Variants in SPAST observed in about 807,000 individuals in gnomAD.
The protein encoded by SPAST is spastic paraplegia 4 (autosomal dominant; spastin).
Under a neutral mutation model 76.6 loss-of-function variants are expected in SPAST, and 30 were observed. The ratio of observed to expected loss-of-function variants is 0.39; its 90% CI spans 0.29 to 0.53. SPAST has a LOEUF of 0.53. Among genes scored for constraint, SPAST ranks in the 20% least tolerant of loss-of-function variants. SPAST has a pLI of 0.68. For missense variants in SPAST, 717 were observed against 770.5 expected (o/e 0.93, Z 0.82); for synonymous variants, 305 against 281.0 (o/e 1.09, Z -0.86).
In SPAST at chr2:32,154,422, A is replaced by AAAC; in HGVS notation, c.1778_1780dup (p.Lys593_Arg594insGln). 1 of 1,613,504 alleles carries AAAC rather than the reference A, an allele frequency of 6.2e-7. No homozygotes were observed. The highest frequency in any genetic ancestry group is 8.5e-7 in the Non-Finnish European group (1 of 1,179,438). ...CTTCACTGAATCCTTGAAAAAAATA[A>AAAC]AACGCAGCGTCAGCCCTCAAACTTT... On this transcript the variant is annotated inframe_insertion, in exon 17 of 17. Transcript: ENST00000315285.
At chr2:32,093,520 T>TC (rs1452215845) in intron 3 of SPAST, among the ~76,000 whole-genome samples, 2 of 152,102 alleles carry the variant, frequency 1.3e-5, no homozygotes, top group Non-Finnish European at 2.9e-5. Context: ...TCTTGTCCAC[T>TC]CCTAATCTCC....
At chr2:32,103,061 C>T (rs746800822) in intron 4 of SPAST, among the ~76,000 whole-genome samples, 2 of 152,108 alleles carry the variant, frequency 1.3e-5, no homozygotes, top group Non-Finnish European at 1.5e-5. Context: ...CTCTTTGTAC[C>T]TCTGGTAGAA....
chr2:32,098,320 G>T (rs1348960129), intron 3 of SPAST, among the ~76,000 whole-genome samples: 1 of 151,962 alleles, frequency 6.6e-6, no homozygotes, highest in Non-Finnish European at 1.5e-5. Flanking sequence ...AAATTAGCTG[G>T]GCATAGTGGT....
intron 9 of SPAST, among the ~76,000 whole-genome samples, chr2:32,130,855 A>G (rs768429122): frequency 1.3e-5 from 2 of 152,152 alleles, no homozygotes; most frequent in African/African-American, 2.4e-5. Context: ...ACTTGATTTT[A>G]TCAGTACACC....
At chr2:32,084,910 A>C (rs939885000) in intron 1 of SPAST, among the ~76,000 whole-genome samples, 1 of 138,520 alleles carries the variant, frequency 7.2e-6, no homozygotes, top group Non-Finnish European at 1.6e-5. Context: ...AAAAAAAAAA[A>C]GGGAAGGAGC....
At chr2:32,075,773 C>T (rs1384647146) in intron 1 of SPAST, among the ~76,000 whole-genome samples, 7 of 146,676 alleles carry the variant, frequency 4.8e-5, no homozygotes, top group Admixed American at 1.4e-4. Context: ...AGGCTGGTCT[C>T]GAACTCCTGA....
chr2:32,063,854 GGAA>G lies in SPAST; in HGVS notation c.30_32del (p.Lys11del). On this transcript the variant is annotated inframe_deletion, in exon 1 of 17. Transcript: ENST00000315285. ...TGAATGAATTCTCCGGGTGGACGAG[GGAA>G]GAAGAAAGGCTCCGGCGGCGCCAGC... The G allele has an allele frequency of 1.3e-6, 2 of 1,583,232 alleles. No individual in the cohort carries two copies. Among genetic ancestry groups the G allele is most frequent in the Non-Finnish European group, 1.7e-6 (2 of 1,170,868 alleles).
At position 32,114,810 on chromosome 2, in the gene SPAST, T is replaced by C. The variant is rs778759688; in HGVS notation, c.855T>C (p.Ala285=). Residue 285 remains alanine, a synonymous_variant, in exon 5 of 17, where the codon GCT becomes GCC. Transcript: ENST00000315285. The part of the protein sequence containing the change: ...VSGVKQGSGP[A]PTTHKGTPKT... ...GAGTGAAACAGGGATCTGGTCCTGCTCCTACCACTCATAAGGTATTCTGGG... is the reference window on the plus strand; with the variant it reads ...GAGTGAAACAGGGATCTGGTCCTGCCCCTACCACTCATAAGGTATTCTGGG... The C allele has an allele frequency of 5.0e-6, 8 of 1,613,950 alleles. No homozygotes were observed. In the South Asian group the frequency reaches 5.5e-5, roughly 11 times the overall value.
intron 1 of SPAST, among the ~76,000 whole-genome samples, chr2:32,081,668 C>A (rs1248243612): frequency 6.6e-6 from 1 of 150,990 alleles, no homozygotes; most frequent in East Asian, 2.0e-4. Context: ...CCTGTAGTCC[C>A]AGCTACTCAG....
intron 4 of SPAST, 87 bp from the exon 5 acceptor site, chr2:32,114,546 ATATAT>A (rs1266915529): frequency 3.1e-6 from 3 of 964,258 alleles, no homozygotes; most frequent in African/African-American, 3.3e-5. Context: ...AATTAAAAAA[ATATAT>A]TATTACCTTG....
chr2:32,154,848 G>T lies in SPAST; in HGVS notation c.*352G>T, dbSNP rs190788607. ...TGAAAGTATTCCAGGAACAGTGAAT[G>T]GTAGAAGACACAAGAACATTTGTTT... On this transcript the variant is annotated 3_prime_UTR_variant, in exon 17 of 17. Transcript: ENST00000315285. 9 of 213,710 alleles carry T rather than the reference G, an allele frequency of 4.2e-5. No homozygotes were observed. In the East Asian group the frequency reaches 1.1e-3, roughly 26 times the overall value. The allele number at this position is 213,710 out of a possible 1,614,324, so 13.2% of individuals were successfully genotyped here.
chr2:32,119,945 G>C (rs1055212182), intron 7 of SPAST, among the ~76,000 whole-genome samples: 1 of 150,594 alleles, frequency 6.6e-6, no homozygotes, highest in Non-Finnish European at 1.5e-5. Context: ...GATTCTTTGA[G>C]ATTTATAGAA....
intron 16 of SPAST, among the ~76,000 whole-genome samples, chr2:32,153,964 C>G (rs1163707924): frequency 1.3e-5 from 2 of 152,120 alleles, no homozygotes; most frequent in African/African-American, 4.8e-5. Flanking sequence ...GTAATCCCAG[C>G]TACTCGGGAG....
rs1402440344 is a variant in SPAST, at chr2:32,110,121, T to A, written c.683-4517T>A. On this transcript the variant is annotated intron_variant, in intron 4 of 16. Coordinates refer to ENST00000315285, the MANE Select transcript of SPAST (RefSeq NM_014946.4). ...TTTTTTTTGTTTTTTTTTTTTGTTT[T>A]TTTTGTTTTTTTTTGGAGATGGAGT... Among the ~76,000 whole-genome samples the A allele has an allele frequency of 2.7e-5, 4 of 147,864 alleles. No homozygotes were observed. In the East Asian group the frequency reaches 7.8e-4, roughly 29 times the overall value.
chr2:32,140,770 T>C (rs1558339066), intron 12 of SPAST, among the ~76,000 whole-genome samples: 4 of 141,352 alleles, frequency 2.8e-5, no homozygotes. Context: ...AACTTAAGGA[T>C]AAAAAAAATT....
intron 3 of SPAST, among the ~76,000 whole-genome samples, chr2:32,089,864 C>T (rs1277854999): frequency 2.0e-5 from 3 of 151,880 alleles, no homozygotes; most frequent in East Asian, 1.9e-4. Context: ...CCCAGGTTCA[C>T]GCCATTCTCC....
chr2:32,073,346 T>C (rs1008122380), intron 1 of SPAST, among the ~76,000 whole-genome samples: 1 of 152,214 alleles, frequency 6.6e-6, no homozygotes, highest in Non-Finnish European at 1.5e-5. Flanking sequence ...TATTGAATTA[T>C]TGAAGAAGGA....
chr2:32,128,555 T>G, intron 9 of SPAST, 76 bp downstream of exon 9: 142 of 950,892 alleles, frequency 1.5e-4, no homozygotes, highest in Non-Finnish European at 2.2e-4. Flanking sequence ...TAAATGGTAA[T>G]ATTTCATGAA....
At chr2:32,083,770 A>T (rs866815135) in intron 1 of SPAST, among the ~76,000 whole-genome samples, 1,264 of 47,688 alleles carry the variant, frequency 0.027, 54 homozygotes, top group African/African-American at 0.054. Context: ...ATATATATAT[A>T]TATATATTTT....
Sources: gnomAD v4.1 joint callset for allele counts (sites outside exome capture counted in the v4.1 genomes callset) on GRCh38, gnomAD v4.1.1 for gene constraint, MANE v1.5 for transcripts, NCBI Gene and HGNC (gene_info 2026-07-23, HGNC 2026-07-21) for gene names.